The following UGT1A8 variants were observed in gnomAD, a reference collection of about 807,000 sequenced individuals.
UGT1A8 encodes the protein UDP glucuronosyltransferase family 1 member A8.
A neutral mutation model predicts 45.3 loss-of-function variants in UGT1A8; 39 were observed. The observed-to-expected ratio is 0.86, with a 90% confidence interval of 0.67 to 1.12. The LOEUF (loss-of-function observed/expected upper bound fraction) is 1.12, where lower values mean the gene tolerates loss of function less well. Among genes scored for constraint, UGT1A8 ranks in the 50% most tolerant of loss-of-function variants. The pLI is 0.00. For missense variants in UGT1A8, 719 were observed against 664.9 expected (o/e 1.08, Z -0.90); for synonymous variants, 275 against 249.2 (o/e 1.10, Z -0.97).
intron 1 of UGT1A8, among the ~76,000 whole-genome samples, chr2:233,748,588 G>C (rs1457275864): frequency 6.6e-6 from 1 of 151,830 alleles, no homozygotes; most frequent in Non-Finnish European, 1.5e-5. Context: ...GGTTGACTCA[G>C]TTCAGTGGAA....
At chr2:233,671,712 TA>T in intron 1 of UGT1A8, 1 of 989,556 alleles carries the variant, frequency 1.0e-6, no homozygotes, top group Non-Finnish European at 1.4e-6. Context: ...GCAAAGACCA[TA>T]AGCTACTGTT....
chr2:233,728,351 G>C (rs1396406554), intron 1 of UGT1A8, among the ~76,000 whole-genome samples: 1 of 152,180 alleles, frequency 6.6e-6, no homozygotes, highest in Non-Finnish European at 1.5e-5. Context: ...TGGTGAGCAG[G>C]AGCTCCCTGA....
intron 1 of UGT1A8, among the ~76,000 whole-genome samples, chr2:233,665,722 T>C (rs534010186): frequency 2.6e-5 from 4 of 152,276 alleles, no homozygotes; most frequent in Non-Finnish European, 4.4e-5. Flanking sequence ...ATTTTTAAGA[T>C]GCAAAAATAT....
At chr2:233,626,826 C>T (rs1242891480) in intron 1 of UGT1A8, among the ~76,000 whole-genome samples, 2 of 152,032 alleles carry the variant, frequency 1.3e-5, no homozygotes. Context: ...GTGTTGAACT[C>T]ATGGATTCTG....
intron 1 of UGT1A8, among the ~76,000 whole-genome samples, chr2:233,644,744 G>C (rs2073554523): frequency 6.6e-6 from 1 of 152,078 alleles, no homozygotes; most frequent in African/African-American, 2.4e-5. Flanking sequence ...TGGGTTCAGG[G>C]GGTTGGGTGA....
At chr2:233,750,094 G>C (rs1227492206) in intron 1 of UGT1A8, among the ~76,000 whole-genome samples, 2 of 151,908 alleles carry the variant, frequency 1.3e-5, no homozygotes, top group Non-Finnish European at 2.9e-5. Flanking sequence ...GAACAGTTTG[G>C]AGAGCTCAGA....
intron 1 of UGT1A8, among the ~76,000 whole-genome samples, chr2:233,663,596 C>T (rs2074016331): frequency 6.6e-6 from 1 of 152,068 alleles, no homozygotes; most frequent in African/African-American, 2.4e-5. Context: ...AATCCTAAAC[C>T]ATAATTTCTA....
intron 1 of UGT1A8, among the ~76,000 whole-genome samples, chr2:233,638,053 A>G (rs2073348507): frequency 6.6e-6 from 1 of 152,050 alleles, no homozygotes; most frequent in African/African-American, 2.4e-5. Context: ...GCGTGAATAT[A>G]TTTCTATATT....
At chr2:233,746,657 G>T (rs4663333) in intron 1 of UGT1A8, among the ~76,000 whole-genome samples, 82,861 of 151,208 alleles carry the variant, frequency 0.55, 24,907 homozygotes, top group African/African-American at 0.8. Flanking sequence ...TTTCTGTCCC[G>T]AGTTCCTAGC....
intron 1 of UGT1A8, chr2:233,648,654 C>G: frequency 3.8e-6 from 1 of 262,506 alleles, no homozygotes; most frequent in Non-Finnish European, 7.5e-6. Context: ...TTAGTGGAGA[C>G]GGGGTTTCAC....
intron 1 of UGT1A8, among the ~76,000 whole-genome samples, chr2:233,640,295 C>A (rs960364104): frequency 1.3e-5 from 2 of 152,120 alleles, no homozygotes; most frequent in South Asian, 2.1e-4. Flanking sequence ...TGTATTAATT[C>A]ATCTATCCCC....
At chr2:233,755,920 C>T (rs931187964) in intron 1 of UGT1A8, 4 of 147,692 alleles carry the variant, frequency 2.7e-5, no homozygotes, top group African/African-American at 1.0e-4. Flanking sequence ...AGAAGAGTGG[C>T]ATCGTTTTAC....
chr2:233,629,824 G>A (rs906630637), intron 1 of UGT1A8, among the ~76,000 whole-genome samples: 5 of 152,048 alleles, frequency 3.3e-5, no homozygotes, highest in Non-Finnish European at 7.4e-5. Context: ...TTCTATTGGG[G>A]TTATGCATTT....
chr2:233,617,828 A>G lies in UGT1A8; in HGVS notation c.121A>G (p.Met41Val), dbSNP rs557545004. 6.2e-6 allele frequency: 10 copies of G among 1,613,970 alleles called. No individual in the cohort carries two copies. The highest frequency in any genetic ancestry group is 8.5e-6 in the Non-Finnish European group (10 of 1,180,000). ...CATGGATGGGAGTCACTGGTTCACCATGCAGTCGGTGGTGGAGAAACTTAT... is the reference window on the plus strand; with the variant it reads ...CATGGATGGGAGTCACTGGTTCACCGTGCAGTCGGTGGTGGAGAAACTTAT... ...VPMDGSHWFTMQSVVEKLILR... is the reference protein window; with the variant it reads ...VPMDGSHWFTVQSVVEKLILR... Residue 41 changes from methionine to valine, a missense_variant, in exon 1 of 5, where the codon ATG becomes GTG. Met to Val is a conservative substitution (Grantham distance 21, BLOSUM62 1). Coordinates refer to ENST00000373450, the MANE Select transcript of UGT1A8 (RefSeq NM_019076.5).
At chr2:233,748,115 G>A in intron 1 of UGT1A8, 1 of 1,611,758 alleles carries the variant, frequency 6.2e-7, no homozygotes, top group Non-Finnish European at 8.5e-7. Context: ...CAATGTTCCA[G>A]GCAAAACAGT....
At position 233,728,984 on chromosome 2, in the gene UGT1A8, A is replaced by T. The variant is rs532880751; in HGVS notation, c.856-38050A>T. On this transcript the variant is annotated intron_variant, in intron 1 of 4. Transcript: ENST00000373450. ...AAACAGTGATAGATTAATGGTTAAT[A>T]ATTAACTAGAGGAGGGCACTCTGTC... 6.7e-5 allele frequency: 101 copies of T among 1,514,708 alleles called. 1 individual carries two copies. The South Asian group carries it at 1.2e-3, about 19-fold the overall frequency. The allele number at this position is 1,514,708 out of a possible 1,614,324, so 93.8% of individuals were successfully genotyped here.
At position 233,773,024 on chromosome 2, in the gene UGT1A8, G is replaced by A. The variant is rs1575873040; in HGVS notation, c.*465G>A. 2 of 199,282 alleles carry A rather than the reference G, an allele frequency of 1.0e-5. No homozygotes were observed. The highest frequency in any genetic ancestry group is 5.3e-5 in the Admixed American group (1 of 18,910). The allele number at this position is 199,282 out of a possible 1,614,324, so 12.3% of individuals were successfully genotyped here. On this transcript the variant is annotated 3_prime_UTR_variant, in exon 5 of 5. Coordinates refer to ENST00000373450, the MANE Select transcript of UGT1A8 (RefSeq NM_019076.5). ...GTGCTTCATAGGTGCCACCTTGTGT[G>A]TTTAAAGAAGGGAAGCTTTGTACCT... is the stretch of plus-strand genomic sequence containing the variant.
chr2:233,645,860 G>T (rs2073587956), intron 1 of UGT1A8, among the ~76,000 whole-genome samples: 1 of 152,162 alleles, frequency 6.6e-6, no homozygotes, highest in African/African-American at 2.4e-5. Flanking sequence ...GAGGGATGGT[G>T]GCCCTCTTCT....
chr2:233,734,986 T>C (rs946842672), intron 1 of UGT1A8, among the ~76,000 whole-genome samples: 1 of 152,248 alleles, frequency 6.6e-6, no homozygotes, highest in Non-Finnish European at 1.5e-5. Context: ...AGAATGTATA[T>C]TCTCTTGACT....
Sources: allele counts gnomAD v4.1 joint callset (sites outside exome capture counted in the v4.1 genomes callset), GRCh38; gene constraint gnomAD v4.1.1; transcripts MANE v1.5; gene names NCBI Gene and HGNC (gene_info 2026-07-23, HGNC 2026-07-21).